The following NCOR2 variants were observed in gnomAD, a reference collection of about 807,000 sequenced individuals.
The protein encoded by NCOR2 is CTG repeat protein 26.
Under a neutral mutation model 262.9 loss-of-function variants are expected in NCOR2, and 81 were observed. That is an observed-to-expected ratio of 0.31 (90% confidence interval 0.26 to 0.37). The LOEUF (loss-of-function observed/expected upper bound fraction) is 0.37, where lower values mean the gene tolerates loss of function less well. Among genes scored for constraint, NCOR2 ranks in the 10% least tolerant of loss-of-function variants. The pLI is 1.00. For missense variants in NCOR2, 3,385 were observed against 3,621.4 expected, an observed-to-expected ratio of 0.93 and a Z score of 1.68; for synonymous variants, 1,659 against 1,559.3, an observed-to-expected ratio of 1.06 and a Z score of -1.51.
At chr12:124,339,339 C>T (rs1593119375) in intron 37 of NCOR2, among the ~76,000 whole-genome samples, 1 of 145,270 alleles carries the variant, frequency 6.9e-6, no homozygotes, top group African/African-American at 2.6e-5. Flanking sequence ...ATCCATCTGG[C>T]TAACTCAGTC....
At chr12:124,550,011 G>A (rs2051664826) in intron 1 of NCOR2, among the ~76,000 whole-genome samples, 1 of 152,212 alleles carries the variant, frequency 6.6e-6, no homozygotes, top group African/African-American at 2.4e-5. Flanking sequence ...TGTATCGCAG[G>A]GGTCTGGCGG....
rs1005659509 is a variant in NCOR2, at chr12:124,361,476, G to A, written c.3100+650C>T. Among the ~76,000 whole-genome samples the A allele has an allele frequency of 8.5e-5, 13 of 152,356 alleles. No individual in the cohort carries two copies. In the East Asian group the frequency reaches 1.7e-3, roughly 20 times the overall value. On this transcript the variant is annotated intron_variant, in intron 22 of 46. Coordinates refer to ENST00000405201, the Ensembl canonical transcript of NCOR2. ...GAAGATCCAGAGAACAAGCAATCAC[G>A]CCCGCCTGTCTCCTGACCTTGAGCT...
rs1178126002 is a variant in NCOR2, at chr12:124,378,882, G to T, written c.2020-498C>A. Among the ~76,000 whole-genome samples, 3 of 152,204 alleles carry T rather than the reference G, an allele frequency of 2.0e-5. No homozygotes were observed. The highest frequency in any genetic ancestry group is 2.9e-5 in the Non-Finnish European group (2 of 68,042). On this transcript the variant is annotated intron_variant, in intron 17 of 46. Transcript: ENST00000405201. This position sits in a 1 kb window ranked among gnomAD's most constrained non-coding sequence, Gnocchi z 4.2. ...CTGTGTGCCCAGCTCTGCATACCAG[G>T]GCTGTGGGGACACAAGGCACGGGGT...
In NCOR2 at chr12:124,339,991, G is replaced by T; in HGVS notation, c.5687+15C>A. 1 of 1,548,418 alleles carries T rather than the reference G, an allele frequency of 6.5e-7. No homozygotes were observed. The highest frequency in any genetic ancestry group is 8.8e-7 in the Non-Finnish European group (1 of 1,142,320). On this transcript the variant is annotated intron_variant, in intron 37 of 46. Coordinates refer to ENST00000405201, the Ensembl canonical transcript of NCOR2. ...TCCACCTGCCCGCCCCCTCCCCCATGCCAACCTGGCCCACCTCAGGACCGT... is the reference window on the plus strand; with the variant it reads ...TCCACCTGCCCGCCCCCTCCCCCATTCCAACCTGGCCCACCTCAGGACCGT...
intron 1 of NCOR2, among the ~76,000 whole-genome samples, chr12:124,535,285 G>A (rs2051068511): frequency 6.6e-6 from 1 of 152,196 alleles, no homozygotes; most frequent in Admixed American, 6.5e-5. Flanking sequence ...TCCTGACACT[G>A]ACACTGTCAG....
chr12:124,349,015 C>G (rs1936930805), intron 28 of NCOR2: 2 of 152,530 alleles, frequency 1.3e-5, no homozygotes, highest in African/African-American at 4.8e-5. Flanking sequence ...CAGTACACGG[C>G]TTTGTATGTA....
upstream of NCOR2, among the ~76,000 whole-genome samples, chr12:124,540,373 T>G (rs2137210021): frequency 7.4e-6 from 1 of 134,232 alleles, no homozygotes; most frequent in Admixed American, 7.7e-5. Context: ...AAGAACCAGA[T>G]CAGAGGGTTA....
intron 1 of NCOR2, among the ~76,000 whole-genome samples, chr12:124,565,938 G>T (rs529766329): frequency 2.0e-5 from 3 of 152,230 alleles, no homozygotes; most frequent in African/African-American, 7.2e-5. Flanking sequence ...GGCCACCCAC[G>T]AGGTACACAG....
Position 124,340,480 on chromosome 12 carries a change from C to T in NCOR2, c.5339-37G>A, listed in dbSNP as rs534793157. 368 of 1,599,358 alleles carry T rather than the reference C, an allele frequency of 2.3e-4. 3 individuals carry two copies. In the South Asian group the frequency reaches 3.9e-3, roughly 17 times the overall value. On this transcript the variant is annotated intron_variant, in intron 35 of 46. Coordinates refer to ENST00000405201, the Ensembl canonical transcript of NCOR2. ...AAAGGCCAGAGACTCAGCCCCAGGG[C>T]CGAAGAAGAGCCTGGCTTTGTCTTC...
chr12:124,386,783 C>A (rs11838138), intron 16 of NCOR2, among the ~76,000 whole-genome samples: 13,659 of 152,310 alleles, frequency 0.09, 763 homozygotes, highest in South Asian at 0.15. Context: ...AGCCAAGCCC[C>A]CGGTCTCGGC....
intron 31 of NCOR2, among the ~76,000 whole-genome samples, chr12:124,345,676 G>A (rs974453440): frequency 6.6e-6 from 1 of 152,310 alleles, no homozygotes; most frequent in Admixed American, 6.5e-5. Context: ...TTGGTCATGC[G>A]GTGGATGCTT....
chr12:124,368,674 C>G (rs781543742), intron 20 of NCOR2, among the ~76,000 whole-genome samples: 4 of 152,230 alleles, frequency 2.6e-5, no homozygotes, highest in Non-Finnish European at 4.4e-5. Flanking sequence ...CTTTCCCTCA[C>G]ACTAAGGCTC....
chr12:124,560,011 A>T (rs563217581), intron 1 of NCOR2, among the ~76,000 whole-genome samples: 1 of 152,306 alleles, frequency 6.6e-6, no homozygotes, highest in South Asian at 2.1e-4. Context: ...ACAACAGCAA[A>T]TTATAACCAT....
chr12:124,469,393 G>A (rs1010919858), intron 4 of NCOR2, among the ~76,000 whole-genome samples: 2 of 152,146 alleles, frequency 1.3e-5, no homozygotes, highest in South Asian at 2.1e-4. Context: ...CCTGGTGGTC[G>A]CTTCAAGAAG....
chr12:124,376,009 G>A (rs1365741787), intron 18 of NCOR2, among the ~76,000 whole-genome samples: 8 of 152,172 alleles, frequency 5.3e-5, no homozygotes, highest in South Asian at 4.1e-4. Context: ...GTCACGCAGC[G>A]TGCGCTGGCT....
intron 39 of NCOR2, 65 bp downstream of exon 41, chr12:124,335,418 T>C: frequency 1.3e-6 from 2 of 1,552,622 alleles, no homozygotes; most frequent in South Asian, 1.2e-5. Context: ...CCTATCTGCA[T>C]GATGGGGCCT....
At chr12:124,325,846 G>T (rs1282525301) in intron 46 of NCOR2, among the ~76,000 whole-genome samples, 1 of 152,090 alleles carries the variant, frequency 6.6e-6, no homozygotes, top group Admixed American at 6.5e-5. Context: ...TTCTCCCAGG[G>T]GCCTTCTGAC....
intron 3 of NCOR2, among the ~76,000 whole-genome samples, chr12:124,479,607 T>C (rs2047328686): frequency 1.3e-5 from 2 of 152,232 alleles, no homozygotes; most frequent in African/African-American, 4.8e-5. Context: ...CCTGGCCTGC[T>C]ATCCATCCAG....
At chr12:124,335,625 G>C in exon 39 of NCOR2, 1 of 1,600,678 alleles carries the variant, frequency 6.2e-7, no homozygotes, top group Admixed American at 1.7e-5. Flanking sequence ...AGCTGCTGCC[G>C]TGGTAACCTA....
Sources: allele counts gnomAD v4.1 joint callset (sites outside exome capture counted in the v4.1 genomes callset), GRCh38; gene constraint gnomAD v4.1.1; non-coding constraint Gnocchi (gnomAD v3.1); transcripts MANE v1.5; gene names NCBI Gene and HGNC (gene_info 2026-07-23, HGNC 2026-07-21).